TRPC4: variants seen among roughly 807,000 people sequenced by gnomAD.
TRPC4 encodes short transient receptor potential channel 4.
In TRPC4, 49 loss-of-function variants were observed where a neutral mutation model predicts 99.4. The observed-to-expected ratio is 0.49, with a 90% confidence interval of 0.39 to 0.63. TRPC4 has a LOEUF of 0.63. Ranked by LOEUF, TRPC4 falls within the 20% of genes least tolerant of loss-of-function variation. TRPC4 has a pLI of 0.00. For missense variants in TRPC4, 898 were observed against 1,152.9 expected, an observed-to-expected ratio of 0.78 and a Z score of 3.20; for synonymous variants, 454 against 425.9, an observed-to-expected ratio of 1.07 and a Z score of -0.81.
chr13:37,746,106 T>C lies in TRPC4; in HGVS notation c.728A>G (p.Glu243Gly). 6.2e-7 allele frequency: 1 copy of C among 1,613,968 alleles called. No individual in the cohort carries two copies. Among genetic ancestry groups the C allele is most frequent in the South Asian group, 1.1e-5 (1 of 91,088 alleles). ...VENEFKSEYE[E>G]LSRQCKQFAK... is the part of the protein sequence containing the mutation. ...AAATTGTTTGCACTGCCGTGACAGC[T>C]CTTCATACTCCGACTTGAATTCATT... The change falls in exon 3 of 11, where the codon GAG becomes GGG. Residue 243 changes from glutamate to glycine, a missense_variant. Transcript: ENST00000379705.
At chr13:37,844,605 T>A (rs990175913) in intron 1 of TRPC4, among the ~76,000 whole-genome samples, 3 of 152,154 alleles carry the variant, frequency 2.0e-5, no homozygotes, top group African/African-American at 7.2e-5. Context: ...AGTTCATGGA[T>A]CTTTCAGGCT....
chr13:37,827,865 C>T (rs887745836), intron 1 of TRPC4, among the ~76,000 whole-genome samples: 7 of 152,230 alleles, frequency 4.6e-5, no homozygotes, highest in Non-Finnish European at 8.8e-5. Flanking sequence ...GTGCCCCTCC[C>T]CTAGCCTCGC....
intron 3 of TRPC4, among the ~76,000 whole-genome samples, chr13:37,709,226 G>T (rs1233292802): frequency 6.6e-6 from 1 of 151,844 alleles, no homozygotes; most frequent in Non-Finnish European, 1.5e-5. Flanking sequence ...TGAGGAATGG[G>T]AACTCATTAT....
At chr13:37,860,484 C>G (rs1287235145) in intron 1 of TRPC4, among the ~76,000 whole-genome samples, 1 of 151,342 alleles carries the variant, frequency 6.6e-6, no homozygotes, top group Non-Finnish European at 1.5e-5. Flanking sequence ...TTTCTTAAAA[C>G]CTTTTTGTTT....
intron 2 of TRPC4, among the ~76,000 whole-genome samples, chr13:37,766,168 T>C (rs569082221): frequency 6.6e-6 from 1 of 151,646 alleles, no homozygotes; most frequent in South Asian, 2.1e-4. Context: ...CAAGCTTTCC[T>C]GTAATTTTCA....
intron 1 of TRPC4, among the ~76,000 whole-genome samples, chr13:37,785,241 C>T (rs537823110): frequency 6.6e-6 from 1 of 152,042 alleles, no homozygotes; most frequent in South Asian, 2.1e-4. Flanking sequence ...TCAGTGATGC[C>T]AATTCAATGT....
intron 2 of TRPC4, among the ~76,000 whole-genome samples, chr13:37,764,790 A>C (rs1389255863): frequency 2.1e-5 from 3 of 142,010 alleles, no homozygotes; most frequent in Admixed American, 7.2e-5. Context: ...CCTATCATTG[A>C]TAGATATAAA....
chr13:37,638,567 A>G (rs978280688), intron 10 of TRPC4, among the ~76,000 whole-genome samples: 1 of 152,180 alleles, frequency 6.6e-6, no homozygotes, highest in African/African-American at 2.4e-5. Context: ...ATTCAAGCAT[A>G]TAATATTTCA....
intron 3 of TRPC4, among the ~76,000 whole-genome samples, chr13:37,720,005 G>T (rs370550552): frequency 6.6e-6 from 1 of 152,054 alleles, no homozygotes; most frequent in African/African-American, 2.4e-5. Context: ...ATGGAAGAAG[G>T]AGGCAGCAGG....
At chr13:37,673,743 A>G (rs1952943316) in intron 5 of TRPC4, among the ~76,000 whole-genome samples, 1 of 152,176 alleles carries the variant, frequency 6.6e-6, no homozygotes, top group Non-Finnish European at 1.5e-5. Context: ...TGGGATGAGG[A>G]GAAAGAAATT....
At chr13:37,751,322 G>A (rs575106895) in intron 2 of TRPC4, among the ~76,000 whole-genome samples, 1 of 151,846 alleles carries the variant, frequency 6.6e-6, no homozygotes, top group African/African-American at 2.4e-5. Context: ...TTTTACTTTC[G>A]AAGATGCTAT....
chr13:37,780,041 C>T (rs946180243), intron 2 of TRPC4, among the ~76,000 whole-genome samples: 3 of 151,970 alleles, frequency 2.0e-5, no homozygotes, highest in Non-Finnish European at 2.9e-5. Context: ...GACCTTAGGA[C>T]TCTCGAGAAA....
intron 1 of TRPC4, among the ~76,000 whole-genome samples, chr13:37,858,163 G>A (rs1959189607): frequency 6.6e-6 from 1 of 151,416 alleles, no homozygotes; most frequent in African/African-American, 2.4e-5. Context: ...CACACAAGAA[G>A]GTGCCCAACA....
intron 2 of TRPC4, among the ~76,000 whole-genome samples, chr13:37,758,527 T>C (rs1490242778): frequency 2.0e-5 from 3 of 151,778 alleles, no homozygotes; most frequent in African/African-American, 7.2e-5. Context: ...TTACTCATCA[T>C]TATTTTGGAG....
chr13:37,692,940 C>T (rs1485940697), intron 3 of TRPC4, among the ~76,000 whole-genome samples: 3 of 152,136 alleles, frequency 2.0e-5, no homozygotes, highest in Non-Finnish European at 4.4e-5. Context: ...ATCATCATAG[C>T]TTAATTCGGT....
intron 8 of TRPC4, among the ~76,000 whole-genome samples, chr13:37,649,183 A>G (rs930719430): frequency 3.3e-5 from 5 of 152,178 alleles, no homozygotes; most frequent in African/African-American, 2.4e-5. Flanking sequence ...AGTAAGCTGA[A>G]GTCTGGCTTC....
At chr13:37,792,972 T>C (rs1034775751) in intron 1 of TRPC4, among the ~76,000 whole-genome samples, 1 of 151,984 alleles carries the variant, frequency 6.6e-6, no homozygotes. Context: ...TGTGTCTGTG[T>C]GAGGGAAAAA....
chr13:37,693,321 A>T (rs750605438), intron 3 of TRPC4, among the ~76,000 whole-genome samples: 41 of 152,164 alleles, frequency 2.7e-4, no homozygotes, highest in Non-Finnish European at 1.3e-4. Context: ...CCACGGCAAG[A>T]TACCTTGGGA....
intron 1 of TRPC4, among the ~76,000 whole-genome samples, chr13:37,808,360 G>A (rs764921389): frequency 2.0e-5 from 3 of 151,964 alleles, no homozygotes; most frequent in Non-Finnish European, 4.4e-5. Context: ...TACTGCAATG[G>A]CTAATGTAGA....
Sources: allele counts gnomAD v4.1 joint callset (sites outside exome capture counted in the v4.1 genomes callset), GRCh38; gene constraint gnomAD v4.1.1; transcripts MANE v1.5; gene names NCBI Gene and HGNC (gene_info 2026-07-23, HGNC 2026-07-21).